Variants in OTOGL observed in about 807,000 individuals in gnomAD.
OTOGL encodes the protein otogelin like.
In OTOGL, 285 loss-of-function variants were observed where a neutral mutation model predicts 318.5. The ratio of observed to expected loss-of-function variants is 0.89; its 90% CI spans 0.81 to 0.99. The LOEUF is 0.99. Ranked by LOEUF, OTOGL falls within the 50% of genes least tolerant of loss-of-function variation. OTOGL has a pLI of 0.00. For missense variants in OTOGL, 2,899 were observed against 2,845.6 expected (o/e 1.02, Z -0.43); for synonymous variants, 987 against 936.5 (o/e 1.05, Z -0.99).
rs117247123 is a variant in OTOGL, at chr12:80,326,043, C to T, written c.4199+2203C>T. Among the ~76,000 whole-genome samples, 685 of 152,250 alleles carry T rather than the reference C, an allele frequency of 4.5e-3. 7 individuals carry two copies. Among genetic ancestry groups the T allele is most frequent in the Admixed American group, 0.018 (273 of 15,290 alleles). ...CCTGCCAAACTGATTCTCATCTCTA[C>T]CTCCATTTCTTTCTCCTTTTTGCTT... On this transcript the variant is annotated intron_variant, in intron 35 of 58. Coordinates refer to ENST00000547103, the MANE Select transcript of OTOGL (RefSeq NM_001378609.3).
chr12:80,341,955 C>CA lies in OTOGL; in HGVS notation c.5060dup (p.Asn1687LysfsTer2). On this transcript the variant is annotated frameshift_variant, in exon 44 of 59. Coordinates refer to ENST00000547103, the MANE Select transcript of OTOGL (RefSeq NM_001378609.3). LOFTEE classifies it high-confidence loss of function. The stretch of plus-strand genomic sequence containing the variant: ...GTCATATATTCTTTCAAGGAATTTG[C>CA]AATGAAGATCCGGATGATGATCTAA... The CA allele has an allele frequency of 6.3e-7, 1 of 1,598,490 alleles. No homozygotes were observed. The highest frequency in any genetic ancestry group is 8.5e-7 in the Non-Finnish European group (1 of 1,170,108).
At chr12:80,173,236 C>T (rs1592517589) in intron 1 of OTOGL, among the ~76,000 whole-genome samples, 1 of 151,826 alleles carries the variant, frequency 6.6e-6, no homozygotes, top group African/African-American at 2.4e-5. Context: ...GGAATGGCTA[C>T]TCCACAGACG....
intron 44 of OTOGL, among the ~76,000 whole-genome samples, chr12:80,348,100 T>G (rs1889315611): frequency 6.6e-6 from 1 of 152,242 alleles, no homozygotes; most frequent in African/African-American, 2.4e-5. Context: ...TAGTTTCTTT[T>G]GCTGTGCAGA....
chr12:80,184,009 C>T (rs1279177609), intron 1 of OTOGL, among the ~76,000 whole-genome samples: 1 of 152,156 alleles, frequency 6.6e-6, no homozygotes, highest in East Asian at 1.9e-4. Context: ...TTAGAGTGTT[C>T]TCTCTTCAAA....
At chr12:80,219,168 A>G (rs1215698683) in intron 5 of OTOGL, among the ~76,000 whole-genome samples, 2 of 149,864 alleles carry the variant, frequency 1.3e-5, no homozygotes, top group East Asian at 4.0e-4. Flanking sequence ...CTGGAGTGCA[A>G]TGGCGTGATC....
rs1278226317 is a variant in OTOGL, at chr12:80,358,277, C to G, written c.6049C>G (p.Leu2017Val). ...TGAATCTTGCACCAAACCTGTTCCACTATGTCATGATGGGGAATTTCTCAC... is the reference window on the plus strand; with the variant it reads ...TGAATCTTGCACCAAACCTGTTCCAGTATGTCATGATGGGGAATTTCTCAC... ...VCESCTKPVP[L>V]CHDGEFLTVD... Residue 2017 changes from leucine (L) to valine (V), a missense_variant, in exon 50 of 59, where the codon CTA becomes GTA. Coordinates refer to ENST00000547103, the MANE Select transcript of OTOGL (RefSeq NM_001378609.3). 8 of 1,612,034 alleles carry G rather than the reference C, an allele frequency of 5.0e-6. No homozygotes were observed. Among genetic ancestry groups the G allele is most frequent in the Admixed American group, 1.7e-5 (1 of 59,840 alleles).
intron 53 of OTOGL, 39 bp downstream of exon 53, chr12:80,366,676 T>C (rs1314675510): frequency 1.2e-6 from 1 of 847,070 alleles, no homozygotes. Context: ...TATAAATGAA[T>C]ATCATTAGTA....
chr12:80,210,973 A>C (rs1877209978), intron 3 of OTOGL, 87 bp downstream of exon 3: 1 of 876,874 alleles, frequency 1.1e-6, no homozygotes, highest in Non-Finnish European at 1.6e-6. Context: ...TCTGCTTTTG[A>C]AAAAAATAAG....
chr12:80,251,652 T>A, intron 11 of OTOGL, 41 bp from the exon 12 acceptor site: 1 of 1,471,972 alleles, frequency 6.8e-7, no homozygotes, highest in Non-Finnish European at 9.3e-7. Flanking sequence ...TTTCTGTCAA[T>A]ATTTCCTATG....
chr12:80,259,413 G>A (rs1052407564), intron 18 of OTOGL, among the ~76,000 whole-genome samples: 1 of 151,786 alleles, frequency 6.6e-6, no homozygotes. Flanking sequence ...TATGCTGAAT[G>A]TGCAGGTTTG....
At chr12:80,250,441 G>A (rs906803652) in intron 11 of OTOGL, among the ~76,000 whole-genome samples, 4 of 152,116 alleles carry the variant, frequency 2.6e-5, no homozygotes, top group Non-Finnish European at 2.9e-5. Flanking sequence ...CCAATATTCA[G>A]TTGCTTTGCT....
At chr12:80,149,439 T>C (rs1012313193) in intron 1 of OTOGL, among the ~76,000 whole-genome samples, 4 of 152,164 alleles carry the variant, frequency 2.6e-5, no homozygotes, top group Admixed American at 2.0e-4. Context: ...AGATCTCCAG[T>C]TGCGTACTGG....
At chr12:80,176,792 A>G (rs1178913376) in intron 1 of OTOGL, among the ~76,000 whole-genome samples, 2 of 152,136 alleles carry the variant, frequency 1.3e-5, no homozygotes, top group African/African-American at 4.8e-5. Flanking sequence ...GTAGCTGCAT[A>G]TTTAATTTTT....
chr12:80,312,288 C>T lies in OTOGL; in HGVS notation c.3451-1188C>T, dbSNP rs150530520. Among the ~76,000 whole-genome samples, 1,040 of 152,220 alleles carry T rather than the reference C, an allele frequency of 6.8e-3. 2 individuals carry two copies. Among genetic ancestry groups the T allele is most frequent in the Non-Finnish European group, 0.01 (684 of 68,008 alleles). On this transcript the variant is annotated intron_variant, in intron 30 of 58. Transcript: ENST00000547103. ...CATTACGATAGACCGGATGAAGAAG[C>T]AGATATGAGAATCCCCCAGTGTGCT...
chr12:80,229,308 A>G lies in OTOGL; in HGVS notation c.541A>G (p.Ile181Val). 2 of 1,596,438 alleles carry G rather than the reference A, an allele frequency of 1.3e-6. No homozygotes were observed. The highest frequency in any genetic ancestry group is 1.1e-5 in the South Asian group (1 of 91,030). The change falls in exon 8 of 59, where the codon ATC (isoleucine) becomes GTC (valine). Residue 181 changes from isoleucine (I) to valine (V), a missense_variant. Ile to Val is a conservative substitution (Grantham distance 29, BLOSUM62 3). This residue lies in a region of OTOGL where 2,607 missense variants were observed against 2,524.9 expected (regional missense o/e 1.03). Coordinates refer to ENST00000547103, the MANE Select transcript of OTOGL (RefSeq NM_001378609.3). ...TTCGGTGTATTCTTGTTATCGGTCAATCAGCTTGTTCTTTTCAAACCAAGA... is the reference window on the plus strand; with the variant it reads ...TTCGGTGTATTCTTGTTATCGGTCAGTCAGCTTGTTCTTTTCAAACCAAGA... ...LGSVYSCYRS[I>V]SLFFSNQEEI...
At chr12:80,374,219 A>G (rs907379048) in intron 57 of OTOGL, among the ~76,000 whole-genome samples, 2 of 152,296 alleles carry the variant, frequency 1.3e-5, no homozygotes, top group East Asian at 3.9e-4. Flanking sequence ...GGCCATCTTC[A>G]TGCTCACATG....
At position 80,147,050 on chromosome 12, in the gene OTOGL, T is replaced by G. The variant is rs1009982364; in HGVS notation, c.-20+47445T>G. ...TTTGAAGGGTTTTTTGTGTCTCTAT[T>G]TCCTTCAGTTCTGCTCTGATTTTAG... is the stretch of plus-strand genomic sequence containing the variant. On this transcript the variant is annotated intron_variant, in intron 1 of 58. Coordinates refer to ENST00000547103, the MANE Select transcript of OTOGL (RefSeq NM_001378609.3). 9.3e-5 allele frequency among the ~76,000 whole-genome samples: 14 copies of G among 150,948 alleles called. No homozygotes were observed. In the South Asian group the frequency reaches 1.0e-3, roughly 11 times the overall value.
intron 29 of OTOGL, among the ~76,000 whole-genome samples, chr12:80,308,767 C>T (rs1886417675): frequency 6.6e-6 from 1 of 152,232 alleles, no homozygotes; most frequent in South Asian, 2.1e-4. Flanking sequence ...GAGCTGGAGA[C>T]CAGCCCGGCC....
At chr12:80,183,986 A>G (rs547478851) in intron 1 of OTOGL, among the ~76,000 whole-genome samples, 92 of 152,280 alleles carry the variant, frequency 6.0e-4, no homozygotes, top group African/African-American at 2.0e-3. Context: ...TTTATGGGTG[A>G]TTATTATGTA....
Sources: allele counts gnomAD v4.1 joint callset (sites outside exome capture counted in the v4.1 genomes callset), GRCh38; gene constraint gnomAD v4.1.1; regional missense constraint gnomAD v4.1.1; transcripts MANE v1.5; gene names NCBI Gene and HGNC (gene_info 2026-07-23, HGNC 2026-07-21).